Variants in ZFP90 observed in about 807,000 individuals in gnomAD.
The protein encoded by ZFP90 is zinc finger protein 90 homolog.
A neutral mutation model predicts 60.8 loss-of-function variants in ZFP90; 38 were observed. The observed-to-expected ratio is 0.62, with a 90% CI of 0.48 to 0.82. The LOEUF (loss-of-function observed/expected upper bound fraction) is 0.82, where lower values mean the gene tolerates loss of function less well. Ranked by LOEUF, ZFP90 falls within the 40% of genes least tolerant of loss-of-function variation. The pLI, the probability that ZFP90 is intolerant of heterozygous loss-of-function variation, is 0.00. For synonymous variants in ZFP90, 287 were observed against 264.8 expected (o/e 1.08, Z -0.82); for missense variants, 711 against 759.1 (o/e 0.94, Z 0.74).
downstream of ZFP90, among the ~76,000 whole-genome samples, chr16:68,568,341 G>A (rs2091549647): frequency 6.6e-6 from 1 of 152,200 alleles, no homozygotes; most frequent in South Asian, 2.1e-4. Flanking sequence ...CTTGAAGTCA[G>A]AATATTGCAA....
At chr16:68,568,536 A>G (rs530482716), downstream of ZFP90, among the ~76,000 whole-genome samples, 8 of 152,324 alleles carry the variant, frequency 5.3e-5, no homozygotes, top group Non-Finnish European at 8.8e-5. Context: ...CAGCAATACC[A>G]CTAGGAGATA....
At chr16:68,554,173 G>A (rs937327221) in intron 2 of ZFP90, among the ~76,000 whole-genome samples, 1 of 151,124 alleles carries the variant, frequency 6.6e-6, no homozygotes, top group African/African-American at 2.4e-5. Context: ...CCCGGCTGGA[G>A]TGCAGTGGTG....
At chr16:68,535,773 G>A (rs1473124929), upstream of ZFP90, 2 of 152,028 alleles carry the variant, frequency 1.3e-5, no homozygotes, top group Non-Finnish European at 2.9e-5. Context: ...TATTCATTTT[G>A]TTTGGGTTTG....
upstream of ZFP90, among the ~76,000 whole-genome samples, chr16:68,536,044 C>T (rs749273499): frequency 1.2e-4 from 18 of 152,180 alleles, no homozygotes; most frequent in Non-Finnish European, 2.1e-4. Flanking sequence ...GAACTGCGCA[C>T]CTTTCCCCTG....
chr16:68,573,534 G>A (rs1217338652), intron 2 of ZFP90, among the ~76,000 whole-genome samples: 1 of 152,216 alleles, frequency 6.6e-6, no homozygotes, highest in Non-Finnish European at 1.5e-5. Flanking sequence ...ATAACTGAAA[G>A]TAAGCAGAAA....
rs765492670 is a variant in ZFP90, at chr16:68,566,405, T to G, written c.*1707T>G. ...ATATTGGTCGTATTGATGGTGAACC[T>G]TTCCTACTGGATTCTTTGCATGCCA... On this transcript the variant is annotated 3_prime_UTR_variant, in exon 5 of 5. Coordinates refer to ENST00000563169, the MANE Select transcript of ZFP90 (RefSeq NM_001305203.2). 5 of 985,584 alleles carry G rather than the reference T, an allele frequency of 5.1e-6. No homozygotes were observed. The highest frequency in any genetic ancestry group is 6.0e-6 in the Non-Finnish European group (5 of 829,936). 61.1% of individuals were successfully genotyped at this position (985,584 alleles called of 1,614,324 possible).
At position 68,566,781 on chromosome 16, in the gene ZFP90, T is replaced by G. The variant is rs186481861; in HGVS notation, c.*2083T>G. ...CAGGAACTCATTATGCTACTGGTTG[T>G]TTGGGGATCCCCATAGTGGACTACT... On this transcript the variant is annotated 3_prime_UTR_variant, in exon 5 of 5. Transcript: ENST00000563169. The G allele has an allele frequency of 7.5e-5, 74 of 985,598 alleles. No individual in the cohort carries two copies. The East Asian group carries it at 2.0e-3, about 27-fold the overall frequency. The allele number at this position is 985,598 out of a possible 1,614,324, so 61.1% of individuals were successfully genotyped here.
In ZFP90 at chr16:68,566,081, T is replaced by G; in HGVS notation, c.*1383T>G. 3.7e-5 allele frequency: 36 copies of G among 973,820 alleles called. No homozygotes were observed. Among genetic ancestry groups the G allele is most frequent in the South Asian group, 9.5e-5 (2 of 21,056 alleles). The allele number at this position is 973,820 out of a possible 1,614,324, so 60.3% of individuals were successfully genotyped here. The stretch of plus-strand genomic sequence containing the variant: ...CCCGGGAGCAGAGACTGCAGTGAGC[T>G]GAGATCACACTACTGCATTCCAGCC... On this transcript the variant is annotated 3_prime_UTR_variant, in exon 5 of 5. Transcript: ENST00000563169.
At chr16:68,557,968 C>A (rs764744318) in intron 2 of ZFP90, 30 bp from the exon 3 acceptor site, 1 of 1,612,604 alleles carries the variant, frequency 6.2e-7, no homozygotes, top group South Asian at 1.1e-5. Context: ...TGGGGTTGAT[C>A]CCCAGTTGAA....
downstream of ZFP90, chr16:68,576,179 TA>T (rs1349066800): frequency 5.5e-6 from 1 of 182,322 alleles, no homozygotes; most frequent in Admixed American, 6.2e-5. Flanking sequence ...AGGAGCAGAA[TA>T]GGTTTGGAGC....
At chr16:68,534,000 T>TGATTAAGGATAAA (rs1169120305) in intron 2 of ZFP90, 1 of 152,218 alleles carries the variant, frequency 6.6e-6, no homozygotes, top group Non-Finnish European at 1.5e-5. Context: ...TAATCAGTTC[T>TGATTAAGGATAAA]GGAAATTTTC....
In ZFP90 at chr16:68,557,467, G is replaced by A. The variant is rs879511564; in HGVS notation, c.34-531G>A. Among the ~76,000 whole-genome samples the A allele has an allele frequency of 9.2e-5, 14 of 152,204 alleles. No individual in the cohort carries two copies. In the South Asian group the frequency reaches 2.9e-3, roughly 32 times the overall value. On this transcript the variant is annotated intron_variant, in intron 2 of 4. Coordinates refer to ENST00000563169, the MANE Select transcript of ZFP90 (RefSeq NM_001305203.2). ...CTAGGATACATAGCTAAATCAAAAA[G>A]TAAGTTGTAGAACAATATGTATGGT...
At chr16:68,561,427 C>T (rs548678326) in intron 4 of ZFP90, among the ~76,000 whole-genome samples, 18 of 152,252 alleles carry the variant, frequency 1.2e-4, no homozygotes, top group African/African-American at 4.3e-4. Context: ...GCCATTTGTT[C>T]TTTGAGTTCA....
chr16:68,556,991 T>C (rs1044687196), intron 2 of ZFP90, among the ~76,000 whole-genome samples: 9 of 152,092 alleles, frequency 5.9e-5, no homozygotes, highest in African/African-American at 1.9e-4. Context: ...GGGAATTGCA[T>C]TTTACTCTCT....
chr16:68,567,754 TTA>T (rs1457954204), downstream of ZFP90, among the ~76,000 whole-genome samples: 42 of 152,344 alleles, frequency 2.8e-4, no homozygotes, highest in African/African-American at 9.6e-4. Flanking sequence ...AGCTAATTTT[TTA>T]TGTTTGTTGC....
At chr16:68,569,769 G>A (rs536003991), downstream of ZFP90, among the ~76,000 whole-genome samples, 6 of 149,250 alleles carry the variant, frequency 4.0e-5, no homozygotes, top group South Asian at 2.1e-4. Flanking sequence ...GTCTCATAAC[G>A]TGGTCTCAAA....
chr16:68,539,221 T>C (rs912742570), upstream of ZFP90: 3 of 152,600 alleles, frequency 2.0e-5, no homozygotes, highest in Admixed American at 2.0e-4. Context: ...CGCGGGCCTC[T>C]GGGAAGTGTA....
upstream of ZFP90, among the ~76,000 whole-genome samples, chr16:68,537,176 AGTGCAGTG>A: frequency 2.6e-5 from 4 of 151,382 alleles, 1 homozygote; most frequent in Admixed American, 2.6e-4. Context: ...CCCAGGTTGG[AGTGCAGTG>A]GTGCAATCTT....
chr16:68,541,694 A>G (rs2091053448), intron 2 of ZFP90, among the ~76,000 whole-genome samples: 1 of 152,158 alleles, frequency 6.6e-6, no homozygotes, highest in Non-Finnish European at 1.5e-5. Context: ...AAAACAAGAC[A>G]GTTACTTGGT....
Sources: allele counts gnomAD v4.1 joint callset (sites outside exome capture counted in the v4.1 genomes callset), GRCh38; gene constraint gnomAD v4.1.1; transcripts MANE v1.5; gene names NCBI Gene and HGNC (gene_info 2026-07-23, HGNC 2026-07-21).